Variants in DAW1 observed in about 807,000 individuals in gnomAD.
DAW1 encodes the protein dynein assembly factor with WD repeats 1.
DAW1 carries 47 observed loss-of-function variants against 56.5 expected under a neutral mutation model. The observed-to-expected ratio is 0.83, with a 90% CI of 0.66 to 1.06. The LOEUF is 1.06. Ranked by LOEUF, DAW1 falls within the 50% of genes least tolerant of loss-of-function variation. The pLI, the probability that DAW1 is intolerant of heterozygous loss-of-function variation, is 0.00. For missense variants in DAW1, 505 were observed against 499.3 expected, an observed-to-expected ratio of 1.01 and a Z score of -0.11; for synonymous variants, 190 against 179.0, an observed-to-expected ratio of 1.06 and a Z score of -0.49.
intron 6 of DAW1, among the ~76,000 whole-genome samples, chr2:227,898,567 G>A (rs574412011): frequency 2.6e-5 from 4 of 152,156 alleles, no homozygotes; most frequent in Non-Finnish European, 4.4e-5. Flanking sequence ...TGATCCACCC[G>A]CCTCGGCCTC....
intron 11 of DAW1, 70 bp from the exon 12 acceptor site, chr2:227,921,329 T>C: frequency 1.7e-6 from 1 of 602,348 alleles, no homozygotes; most frequent in Non-Finnish European, 2.3e-6. Flanking sequence ...TTTTTTTTTT[T>C]TTTTGCTGAT....
In DAW1 at chr2:227,918,871, C is replaced by T. The variant is rs771053200; in HGVS notation, c.1050+15C>T. ...AAATTTCAAAGGTGAGTCGCTTTCTCATTTGGAGGAGTTTATTTACTTTCA... is the reference window on the plus strand; with the variant it reads ...AAATTTCAAAGGTGAGTCGCTTTCTTATTTGGAGGAGTTTATTTACTTTCA... On this transcript the variant is annotated intron_variant, in intron 11 of 12. Coordinates refer to ENST00000309931, the MANE Select transcript of DAW1 (RefSeq NM_178821.3). The T allele has an allele frequency of 9.9e-6, 16 of 1,613,296 alleles. No homozygotes were observed. The African/African-American group carries it at 1.6e-4, about 16-fold the overall frequency.
intron 6 of DAW1, 109 bp from the exon 7 acceptor site, chr2:227,902,893 A>C (rs1312528401): frequency 3.5e-6 from 4 of 1,145,908 alleles, no homozygotes; most frequent in Middle Eastern, 2.0e-4. Flanking sequence ...TTTTGTACAA[A>C]GAATTAGATG....
chr2:227,885,193 A>G (rs1691095236), intron 1 of DAW1, among the ~76,000 whole-genome samples, 158 bp from the exon 2 acceptor site: 1 of 152,200 alleles, frequency 6.6e-6, no homozygotes, highest in Non-Finnish European at 1.5e-5. Context: ...AAGTTTGTCT[A>G]CATGATCTTG....
intron 3 of DAW1, among the ~76,000 whole-genome samples, chr2:227,890,447 GT>G (rs1242831742): frequency 6.6e-6 from 1 of 152,028 alleles, no homozygotes; most frequent in Non-Finnish European, 1.5e-5. Context: ...TTTTTAAATA[GT>G]TTTTTTGATG....
chr2:227,892,158 G>A (rs968931979), intron 4 of DAW1, among the ~76,000 whole-genome samples: 1 of 149,802 alleles, frequency 6.7e-6, no homozygotes, highest in South Asian at 2.1e-4. Context: ...TTGAGATGGA[G>A]TTTCACTCTT....
Position 227,896,665 on chromosome 2 carries a change from C to T in DAW1, c.441-1517C>T, listed in dbSNP as rs78299357. On this transcript the variant is annotated intron_variant, in intron 5 of 12. Coordinates refer to ENST00000309931, the MANE Select transcript of DAW1 (RefSeq NM_178821.3). ...GAGAGAGAGAAAGGAAAAACTTCAA[C>T]CAATTTACTGTTTATCTGCTTTATA... Among the ~76,000 whole-genome samples the T allele has an allele frequency of 3.5e-3, 524 of 149,622 alleles. 3 individuals carry two copies. The highest frequency in any genetic ancestry group is 0.012 in the African/African-American group (502 of 40,642).
intron 4 of DAW1, among the ~76,000 whole-genome samples, chr2:227,892,710 C>T (rs1043092250): frequency 2.0e-5 from 3 of 152,120 alleles, no homozygotes; most frequent in Non-Finnish European, 2.9e-5. Context: ...TTGAGTTTCG[C>T]TATTAGACTT....
intron 7 of DAW1, 132 bp downstream of exon 7, chr2:227,903,241 C>T: frequency 1.1e-6 from 1 of 884,888 alleles, no homozygotes; most frequent in South Asian, 1.8e-5. Flanking sequence ...AGTGTCCCTA[C>T]TGGTTTCCTG....
intron 10 of DAW1, among the ~76,000 whole-genome samples, chr2:227,918,184 C>T (rs546621839): frequency 1.4e-5 from 1 of 70,588 alleles, no homozygotes; most frequent in African/African-American, 4.4e-5. Flanking sequence ...TCCATCCATC[C>T]ATCCATCCAT....
chr2:227,885,520 T>A, intron 2 of DAW1, 97 bp downstream of exon 2: 2 of 898,634 alleles, frequency 2.2e-6, no homozygotes, highest in Non-Finnish European at 3.3e-6. Context: ...GATAATACAT[T>A]ATGTTTTAAA....
At chr2:227,873,563 A>G (rs1690805594) in intron 1 of DAW1, among the ~76,000 whole-genome samples, 2 of 152,222 alleles carry the variant, frequency 1.3e-5, no homozygotes, top group Admixed American at 1.3e-4. Context: ...CTGGACAGCT[A>G]CTTTCTCCAA....
intron 6 of DAW1, 41 bp downstream of exon 6, chr2:227,898,322 T>C (rs770938152): frequency 9.8e-6 from 10 of 1,025,204 alleles, no homozygotes; most frequent in Admixed American, 8.4e-5. Context: ...TATGTATATA[T>C]ATATATTATT....
chr2:227,877,836 G>T (rs1690915623), intron 1 of DAW1, among the ~76,000 whole-genome samples: 2 of 152,252 alleles, frequency 1.3e-5, no homozygotes, highest in Admixed American at 6.5e-5. Flanking sequence ...TGTGTGGCCT[G>T]GGCCCTAACG....
At chr2:227,919,408 C>T (rs1692053806) in intron 11 of DAW1, among the ~76,000 whole-genome samples, 1 of 152,082 alleles carries the variant, frequency 6.6e-6, no homozygotes, top group Non-Finnish European at 1.5e-5. Flanking sequence ...TTCGCCTCCA[C>T]TGTCAGCAAA....
At chr2:227,897,368 A>T (rs1287038450) in intron 5 of DAW1, among the ~76,000 whole-genome samples, 1 of 152,086 alleles carries the variant, frequency 6.6e-6, no homozygotes, top group African/African-American at 2.4e-5. Flanking sequence ...CAAGGCATCA[A>T]TGTTAGTTTG....
At chr2:227,887,196 T>C (rs1691151263) in intron 2 of DAW1, among the ~76,000 whole-genome samples, 1 of 152,208 alleles carries the variant, frequency 6.6e-6, no homozygotes. Context: ...TTGATATTTT[T>C]TTAAAATCAA....
chr2:227,910,360 C>T lies in DAW1; in HGVS notation c.973+3108C>T, dbSNP rs560283906. ...TGGTGGCATGCACCTGTAGACCTAACTACTCAGTAAGCTGAGGAAAATAAC... is the reference window on the plus strand; with the variant it reads ...TGGTGGCATGCACCTGTAGACCTAATTACTCAGTAAGCTGAGGAAAATAAC... On this transcript the variant is annotated intron_variant, in intron 10 of 12. Transcript: ENST00000309931. 1.6e-4 allele frequency among the ~76,000 whole-genome samples: 25 copies of T among 152,198 alleles called. No homozygotes were observed. The East Asian group carries it at 4.7e-3, about 28-fold the overall frequency.
chr2:227,876,160 C>A (rs1203142731), intron 1 of DAW1, among the ~76,000 whole-genome samples: 1 of 152,064 alleles, frequency 6.6e-6, no homozygotes, highest in African/African-American at 2.4e-5. Context: ...GGACTACAGG[C>A]GCCCGCCAGT....
Sources: allele counts gnomAD v4.1 joint callset (sites outside exome capture counted in the v4.1 genomes callset), GRCh38; gene constraint gnomAD v4.1.1; transcripts MANE v1.5; gene names NCBI Gene and HGNC (gene_info 2026-07-23, HGNC 2026-07-21).